CFAP69: variants seen among roughly 807,000 people sequenced by gnomAD.
The protein encoded by CFAP69 is cilia and flagella associated protein 69.
In CFAP69, 92 loss-of-function variants were observed where a neutral mutation model predicts 123.0. That is an observed-to-expected ratio of 0.75 (90% confidence interval 0.63 to 0.89). The LOEUF is 0.89. CFAP69 is among the 40% of genes least tolerant of loss of function. The probability of loss-of-function intolerance (pLI) is 0.00; values close to 1 mark genes in which losing one functional copy is unlikely to be tolerated. For synonymous variants in CFAP69, 380 were observed against 364.3 expected (o/e 1.04, Z -0.49); for missense variants, 1,067 against 1,096.9 (o/e 0.97, Z 0.39).
intron 22 of CFAP69, among the ~76,000 whole-genome samples, chr7:90,309,823 G>A (rs1402526791): frequency 6.6e-6 from 1 of 152,078 alleles, no homozygotes; most frequent in Non-Finnish European, 1.5e-5. Flanking sequence ...TAGATCCCAA[G>A]TGTTCCTGGT....
intron 20 of CFAP69, among the ~76,000 whole-genome samples, chr7:90,307,468 G>T (rs1793771813): frequency 6.6e-6 from 1 of 152,046 alleles, no homozygotes; most frequent in Non-Finnish European, 1.5e-5. Context: ...TTATCCATAA[G>T]ATATATTTTT....
intron 4 of CFAP69, among the ~76,000 whole-genome samples, chr7:90,263,348 T>C (rs900094475): frequency 1.3e-5 from 2 of 152,206 alleles, no homozygotes; most frequent in African/African-American, 4.8e-5. Context: ...AAGACATTTT[T>C]GGAAGATAAA....
In CFAP69 at chr7:90,245,862, G is replaced by A. The variant is rs1405639455; in HGVS notation, c.120+318G>A. Among the ~76,000 whole-genome samples, 3 of 152,116 alleles carry A rather than the reference G, an allele frequency of 2.0e-5. No individual in the cohort carries two copies. The East Asian group carries it at 5.8e-4, about 29-fold the overall frequency. On this transcript the variant is annotated intron_variant, in intron 1 of 22. Coordinates refer to ENST00000389297, the MANE Select transcript of CFAP69 (RefSeq NM_001039706.3). The stretch of plus-strand genomic sequence containing the variant: ...AAAAGTGGTCATAGAGCTACAGGGA[G>A]GAAAGGAATCATTCTTAGCAAAATC...
intron 2 of CFAP69, 26 bp downstream of exon 2, chr7:90,255,508 CT>C: frequency 6.4e-7 from 1 of 1,551,904 alleles, no homozygotes; most frequent in Non-Finnish European, 8.9e-7. Context: ...GAGAAAATTA[CT>C]CCGCTGCATT....
intron 13 of CFAP69, among the ~76,000 whole-genome samples, chr7:90,285,178 C>T (rs762127920): frequency 7.2e-5 from 11 of 152,096 alleles, no homozygotes; most frequent in Admixed American, 5.2e-4. Context: ...CCTGATAAAG[C>T]GATATAGGCC....
At chr7:90,300,153 C>A in intron 17 of CFAP69, 94 bp downstream of exon 17, 2 of 1,165,312 alleles carry the variant, frequency 1.7e-6, no homozygotes, top group Non-Finnish European at 2.1e-6. Flanking sequence ...CCTTTCACCC[C>A]TTTGTCTAAA....
intron 4 of CFAP69, among the ~76,000 whole-genome samples, chr7:90,263,297 G>A (rs987629768): frequency 6.6e-6 from 1 of 152,042 alleles, no homozygotes; most frequent in Non-Finnish European, 1.5e-5. Flanking sequence ...CTTATGTCTA[G>A]ATAACTTCTC....
intron 1 of CFAP69, 36 bp from the exon 2 acceptor site, chr7:90,255,387 G>A: frequency 6.5e-7 from 1 of 1,534,894 alleles, no homozygotes; most frequent in Non-Finnish European, 9.0e-7. Context: ...TGATATAGAA[G>A]ATGATCTAGA....
In CFAP69 at chr7:90,277,293, A is replaced by G; in HGVS notation, c.1114A>G (p.Asn372Asp). Reference protein sequence around the residue: ...EDFELKKLLFNVIVILCKDLP... With the variant: ...EDFELKKLLFDVIVILCKDLP... Reference sequence around the variant, plus strand: ...TTTTGAGTTGAAGAAATTACTATTCAACGTAATTGTGATCTTATGTAAAGA... The same window carrying G: ...TTTTGAGTTGAAGAAATTACTATTCGACGTAATTGTGATCTTATGTAAAGA... Residue 372 changes from asparagine (N) to aspartate (D), a missense_variant, in exon 11 of 23, where the codon AAC becomes GAC. Physicochemically the swap from Asn to Asp is conservative, Grantham distance 23. Coordinates refer to ENST00000389297, the MANE Select transcript of CFAP69 (RefSeq NM_001039706.3). The G allele has an allele frequency of 6.3e-7, 1 of 1,591,582 alleles. No individual in the cohort carries two copies. The highest frequency in any genetic ancestry group is 8.5e-7 in the Non-Finnish European group (1 of 1,169,922).
chr7:90,253,838 G>C (rs1036824735), intron 1 of CFAP69, among the ~76,000 whole-genome samples: 15 of 152,000 alleles, frequency 9.9e-5, no homozygotes, highest in African/African-American at 3.6e-4. Context: ...TTTTTAGCTT[G>C]GTGTAATCCC....
intron 16 of CFAP69, 121 bp downstream of exon 16, chr7:90,297,951 G>T (rs1191062224): frequency 1.2e-5 from 8 of 653,066 alleles, no homozygotes; most frequent in African/African-American, 1.9e-5. Context: ...ATGTTCAAAG[G>T]TACGGTCTTA....
In CFAP69 at chr7:90,271,520, T is replaced by G; in HGVS notation, c.533-6T>G. The G allele has an allele frequency of 6.2e-7, 1 of 1,608,788 alleles. No homozygotes were observed. Among genetic ancestry groups the G allele is most frequent in the Non-Finnish European group, 8.5e-7 (1 of 1,178,300 alleles). Reference sequence around the variant, plus strand: ...CTGTATGTATTTATTAATGAATTGTTGTTAGGTTACCAGCAAGCGAGTTCA... The same window carrying G: ...CTGTATGTATTTATTAATGAATTGTGGTTAGGTTACCAGCAAGCGAGTTCA... On this transcript the variant is annotated splice_polypyrimidine_tract_variant and splice_region_variant and intron_variant, in intron 6 of 22. Transcript: ENST00000389297.
intron 9 of CFAP69, among the ~76,000 whole-genome samples, chr7:90,275,476 A>G (rs533713309): frequency 1.3e-5 from 2 of 150,654 alleles, no homozygotes; most frequent in South Asian, 2.1e-4. Context: ...TCACTTTCCA[A>G]TGGCTGTGGT....
intron 1 of CFAP69, among the ~76,000 whole-genome samples, chr7:90,253,683 G>A (rs1005207938): frequency 5.3e-5 from 8 of 152,076 alleles, no homozygotes; most frequent in Non-Finnish European, 8.8e-5. Flanking sequence ...GAGCCATCAC[G>A]GCCGGCCTTG....
chr7:90,321,062 G>A, the CFAP69 span: 7 of 152,240 alleles, frequency 4.6e-5, no homozygotes, highest in Non-Finnish European at 8.8e-5. Context: ...GGAACCAGAG[G>A]TTTCAGCGGG....
chr7:90,304,202 A>G, intron 18 of CFAP69, 96 bp downstream of exon 18: 2 of 1,412,436 alleles, frequency 1.4e-6, no homozygotes, highest in Non-Finnish European at 1.8e-6. Flanking sequence ...ATGAGCAAAA[A>G]TCTCTTTATA....
downstream of CFAP69, among the ~76,000 whole-genome samples, chr7:90,314,949 T>C (rs1201640323): frequency 2.7e-5 from 4 of 146,672 alleles, no homozygotes; most frequent in Non-Finnish European, 6.2e-5. Flanking sequence ...GCAAAGGACA[T>C]GAACAGACAC....
At chr7:90,289,014 A>G (rs1253959547) in intron 15 of CFAP69, among the ~76,000 whole-genome samples, 1 of 151,896 alleles carries the variant, frequency 6.6e-6, no homozygotes, top group Non-Finnish European at 1.5e-5. Context: ...TTTTTATTCT[A>G]TAAGTTTCTT....
intron 17 of CFAP69, chr7:90,302,512 A>G (rs541555246): frequency 6.6e-6 from 1 of 152,314 alleles, no homozygotes; most frequent in South Asian, 2.1e-4. Flanking sequence ...GGTATAAGGA[A>G]GAGGTCCAGT....
Sources: gnomAD v4.1 joint callset for allele counts (sites outside exome capture counted in the v4.1 genomes callset) on GRCh38, gnomAD v4.1.1 for gene constraint, MANE v1.5 for transcripts, NCBI Gene and HGNC (gene_info 2026-07-23, HGNC 2026-07-21) for gene names.